Variants in EXOC6B observed in about 807,000 individuals in gnomAD.
EXOC6B encodes exocyst complex component 6B.
Under a neutral mutation model 113.5 loss-of-function variants are expected in EXOC6B, and 54 were observed. The ratio of observed to expected loss-of-function variants is 0.48; its 90% CI spans 0.38 to 0.60. The LOEUF (loss-of-function observed/expected upper bound fraction) is 0.60. Ranked by LOEUF, EXOC6B falls within the 20% of genes least tolerant of loss-of-function variation. The probability of loss-of-function intolerance (pLI) is 0.00; values close to 1 mark genes in which losing one functional copy is unlikely to be tolerated. For synonymous variants in EXOC6B, 357 were observed against 339.0 expected (o/e 1.05, Z -0.58); for missense variants, 797 against 977.5 (o/e 0.82, Z 2.46).
chr2:72,730,105 T>A (rs1273218970), intron 5 of EXOC6B, among the ~76,000 whole-genome samples: 2 of 152,134 alleles, frequency 1.3e-5, no homozygotes, highest in Non-Finnish European at 2.9e-5. Context: ...GGAGCAGAAC[T>A]ATAGAGTCAC....
intron 18 of EXOC6B, among the ~76,000 whole-genome samples, chr2:72,402,854 A>C (rs1316510959): frequency 6.6e-6 from 1 of 152,136 alleles, no homozygotes; most frequent in Non-Finnish European, 1.5e-5. Flanking sequence ...TTTTGCAAAG[A>C]CTATATTCCA....
At chr2:72,715,647 AT>A (rs1030964989) in intron 6 of EXOC6B, among the ~76,000 whole-genome samples, 7 of 152,036 alleles carry the variant, frequency 4.6e-5, no homozygotes, top group African/African-American at 1.7e-4. Context: ...AGATTATATG[AT>A]TTGTTATGAA....
chr2:72,416,420 T>A (rs894047096), intron 18 of EXOC6B, among the ~76,000 whole-genome samples: 1 of 152,198 alleles, frequency 6.6e-6, no homozygotes, highest in Non-Finnish European at 1.5e-5. Context: ...AAAGACTAGT[T>A]AGTTGCCCCT....
At chr2:72,684,863 T>C (rs558376173) in intron 6 of EXOC6B, among the ~76,000 whole-genome samples, 3 of 152,308 alleles carry the variant, frequency 2.0e-5, no homozygotes, top group East Asian at 3.9e-4. Context: ...GGGATGATGG[T>C]AATGTTCTAT....
intron 17 of EXOC6B, among the ~76,000 whole-genome samples, chr2:72,466,005 A>G (rs1201931603): frequency 6.6e-6 from 1 of 152,162 alleles, no homozygotes; most frequent in Non-Finnish European, 1.5e-5. Flanking sequence ...CTAATTCAAC[A>G]ATCATATATG....
chr2:72,288,399 T>TA (rs1403421320), intron 20 of EXOC6B, among the ~76,000 whole-genome samples: 3 of 150,838 alleles, frequency 2.0e-5, no homozygotes, highest in South Asian at 2.1e-4. Context: ...TTTGTAAAAA[T>TA]AAAAAAAAGA....
chr2:72,387,163 T>A (rs1170506825), intron 18 of EXOC6B, among the ~76,000 whole-genome samples: 1 of 152,202 alleles, frequency 6.6e-6, no homozygotes, highest in African/African-American at 2.4e-5. Context: ...ACACACACAG[T>A]TATATAACTT....
At chr2:72,411,147 G>T (rs1354610303) in intron 18 of EXOC6B, among the ~76,000 whole-genome samples, 2 of 152,188 alleles carry the variant, frequency 1.3e-5, no homozygotes, top group Admixed American at 6.6e-5. Context: ...AAGAGGTCAA[G>T]GCTGCAGTGA....
chr2:72,635,368 T>C (rs1279180521), intron 6 of EXOC6B, among the ~76,000 whole-genome samples: 1 of 152,018 alleles, frequency 6.6e-6, no homozygotes, highest in Non-Finnish European at 1.5e-5. Context: ...AATGAAACAA[T>C]GGCTATCACC....
At chr2:72,593,438 T>C (rs1432577456) in intron 6 of EXOC6B, among the ~76,000 whole-genome samples, 1 of 152,120 alleles carries the variant, frequency 6.6e-6, no homozygotes, top group Non-Finnish European at 1.5e-5. Context: ...CCTTGTTAGA[T>C]AGTATCACAA....
At chr2:72,344,503 T>C (rs911902267) in intron 19 of EXOC6B, among the ~76,000 whole-genome samples, 9 of 152,286 alleles carry the variant, frequency 5.9e-5, no homozygotes, top group East Asian at 1.9e-4. Context: ...TTGTATTCCT[T>C]GCGATTTTTA....
intron 1 of EXOC6B, among the ~76,000 whole-genome samples, chr2:72,784,028 C>T (rs578229945): frequency 4.9e-4 from 75 of 152,184 alleles, no homozygotes; most frequent in African/African-American, 1.5e-3. Flanking sequence ...TTTTTGTAAA[C>T]GGTGAGGGGG....
rs373486225 is a variant in EXOC6B, at chr2:72,378,940, C to T, written c.2122+789G>A. Among the ~76,000 whole-genome samples the T allele has an allele frequency of 2.7e-4, 41 of 152,278 alleles. 1 individual carries two copies. The East Asian group carries it at 6.9e-3, about 26-fold the overall frequency. Reference sequence around the variant, plus strand: ...TGCTCCTATTTTACTTTGTCAGATACTCAATCTCCCAGCCTCCCATAGAGC... The same window carrying T: ...TGCTCCTATTTTACTTTGTCAGATATTCAATCTCCCAGCCTCCCATAGAGC... On this transcript the variant is annotated intron_variant, in intron 19 of 21. Coordinates refer to ENST00000272427, the MANE Select transcript of EXOC6B (RefSeq NM_015189.3).
At chr2:72,465,657 T>A (rs1698003026) in intron 17 of EXOC6B, among the ~76,000 whole-genome samples, 2 of 152,218 alleles carry the variant, frequency 1.3e-5, no homozygotes, top group Admixed American at 6.5e-5. Flanking sequence ...GTGAGATTAA[T>A]ATTCTTACAA....
intron 6 of EXOC6B, among the ~76,000 whole-genome samples, chr2:72,652,178 C>G (rs1356681795): frequency 6.6e-6 from 1 of 151,496 alleles, no homozygotes; most frequent in African/African-American, 2.4e-5. Context: ...CCACCCTCCT[C>G]CCCACAAATA....
chr2:72,719,596 G>A (rs1416918044), intron 5 of EXOC6B, among the ~76,000 whole-genome samples: 1 of 152,196 alleles, frequency 6.6e-6, no homozygotes, highest in Non-Finnish European at 1.5e-5. Flanking sequence ...TTTTAATGTA[G>A]TCCCTAACCC....
intron 6 of EXOC6B, among the ~76,000 whole-genome samples, chr2:72,654,004 C>T (rs999209195): frequency 1.2e-4 from 17 of 144,148 alleles, no homozygotes; most frequent in Admixed American, 1.1e-3. Flanking sequence ...GAGTCTTACT[C>T]TGTCGCCCAG....
intron 6 of EXOC6B, among the ~76,000 whole-genome samples, chr2:72,593,852 A>G (rs1390261964): frequency 6.6e-6 from 1 of 152,212 alleles, no homozygotes; most frequent in Non-Finnish European, 1.5e-5. Context: ...TCAAAAAGAA[A>G]ATGATAAACT....
rs548383632 is a variant in EXOC6B, at chr2:72,482,869, A to G, written c.1666-2119T>C. Among the ~76,000 whole-genome samples the G allele has an allele frequency of 2.6e-5, 4 of 152,314 alleles. No individual in the cohort carries two copies. The East Asian group carries it at 7.7e-4, about 29-fold the overall frequency. On this transcript the variant is annotated intron_variant, in intron 16 of 21. Transcript: ENST00000272427. The stretch of plus-strand genomic sequence containing the variant: ...GAAGATAACTACTTTGAAACACAAT[A>G]ACAAAGGGCAAAAACACAGCGATAC...
Sources: allele counts gnomAD v4.1 joint callset (sites outside exome capture counted in the v4.1 genomes callset), GRCh38; gene constraint gnomAD v4.1.1; transcripts MANE v1.5; gene names NCBI Gene and HGNC (gene_info 2026-07-23, HGNC 2026-07-21).